DNAH8: variants seen among roughly 807,000 people sequenced by gnomAD.
The protein encoded by DNAH8 is dynein axonemal heavy chain 8, also known as axonemal beta dynein heavy chain 8.
DNAH8 carries 382 observed loss-of-function variants against 562.1 expected under a neutral mutation model. That is an observed-to-expected ratio of 0.68 (90% CI 0.63 to 0.74). The LOEUF is 0.74. Ranked by LOEUF, DNAH8 falls within the 30% of genes least tolerant of loss-of-function variation. The pLI, the probability that DNAH8 is intolerant of heterozygous loss-of-function variation, is 0.00. For synonymous variants in DNAH8, 1,881 were observed against 1,919.4 expected, an observed-to-expected ratio of 0.98 and a Z score of 0.52; for missense variants, 5,203 against 5,620.4, an observed-to-expected ratio of 0.93 and a Z score of 2.37.
intron 80 of DNAH8, among the ~76,000 whole-genome samples, chr6:38,947,896 C>T (rs755272987): frequency 3.1e-4 from 47 of 152,080 alleles, no homozygotes; most frequent in African/African-American, 3.9e-4. Flanking sequence ...TACAGATACA[C>T]GCTGCCACGC....
chr6:38,834,653 T>A lies in DNAH8; in HGVS notation c.4365+12T>A, dbSNP rs1327141875. 6.4e-7 allele frequency: 1 copy of A among 1,555,716 alleles called. No homozygotes were observed. Among genetic ancestry groups the A allele is most frequent in the African/African-American group, 1.4e-5 (1 of 73,252 alleles). On this transcript the variant is annotated intron_variant, in intron 32 of 92. Transcript: ENST00000327475. ...TACAGATATTTCAGGTGAAACCACA[T>A]TTTTTTTGTTACATCGACAATGTGT...
chr6:38,963,013 T>C (rs1461335689), intron 82 of DNAH8, among the ~76,000 whole-genome samples: 1 of 152,096 alleles, frequency 6.6e-6, no homozygotes, highest in Non-Finnish European at 1.5e-5. Flanking sequence ...ATACTACTTA[T>C]TGGGTAGAGG....
chr6:38,738,053 AG>A (rs1764243086), intron 7 of DNAH8, 81 bp downstream of exon 7: 1 of 1,422,498 alleles, frequency 7.0e-7, no homozygotes. Context: ...CTAACAGCAA[AG>A]GGAAGAGGTG....
In DNAH8 at chr6:38,805,535, A is replaced by T. The variant is rs1192343334; in HGVS notation, c.3089A>T (p.Asp1030Val). Residue 1030 changes from aspartate to valine, a missense_variant, in exon 23 of 93, where the codon GAC (aspartate) becomes GTC (valine). By Grantham distance (152) the Asp-to-Val change is radical. This residue lies in a region of DNAH8 where 2,176 missense variants were observed against 2,365.1 expected (regional missense o/e 0.92). Coordinates refer to ENST00000327475, the MANE Select transcript of DNAH8 (RefSeq NM_001206927.2). Reference sequence around the variant, plus strand: ...GAAACAGGAGAGGGTGAAAACAATGACTATGAAGCTAATATTGTGAATGAG... The same window carrying T: ...GAAACAGGAGAGGGTGAAAACAATGTCTATGAAGCTAATATTGTGAATGAG... ...GSETGEGENNDYEANIVNEFD... is the reference protein window; with the variant it reads ...GSETGEGENNVYEANIVNEFD... The T allele has an allele frequency of 6.2e-7, 1 of 1,610,494 alleles. No individual in the cohort carries two copies. Among genetic ancestry groups the T allele is most frequent in the African/African-American group, 1.3e-5 (1 of 74,890 alleles).
intron 54 of DNAH8, 101 bp downstream of exon 54, chr6:38,883,153 C>G: frequency 2.2e-6 from 3 of 1,343,008 alleles, no homozygotes; most frequent in Non-Finnish European, 3.0e-6. Context: ...ACACATTTTA[C>G]ATTTAAATCT....
chr6:38,882,989 G>T lies in DNAH8; in HGVS notation c.7938G>T (p.Leu2646Phe), dbSNP rs749654809. 5 of 1,603,464 alleles carry T rather than the reference G, an allele frequency of 3.1e-6. No individual in the cohort carries two copies. In the East Asian group the frequency reaches 1.1e-4, roughly 36 times the overall value. ...GTATTCCGGAATATTCATCAATTTT[G>T]GTTCCAAATGTTGACAATATTAGAA... Reference protein sequence around the residue: ...TDSIPEYSSILVPNVDNIRTN... With the variant: ...TDSIPEYSSIFVPNVDNIRTN... Residue 2646 changes from leucine to phenylalanine, a missense_variant, in exon 54 of 93, where the codon TTG (leucine) becomes TTT (phenylalanine). Transcript: ENST00000327475.
chr6:38,796,598 T>C (rs1443633864), intron 21 of DNAH8, among the ~76,000 whole-genome samples: 1 of 152,204 alleles, frequency 6.6e-6, no homozygotes, highest in Non-Finnish European at 1.5e-5. Flanking sequence ...TTATGTTATC[T>C]ATAGATTCCA....
At chr6:38,750,172 C>G (rs754928273) in intron 8 of DNAH8, among the ~76,000 whole-genome samples, 29 of 152,124 alleles carry the variant, frequency 1.9e-4, no homozygotes, top group Non-Finnish European at 3.5e-4. Context: ...TCTTGAAGAC[C>G]CAGAGTAATA....
chr6:38,857,623 T>C lies in DNAH8; in HGVS notation c.5839T>C (p.Leu1947=), dbSNP rs770200536. The change falls in exon 42 of 93, where the codon TTG becomes CTG. Residue 1947 remains leucine (L), a synonymous_variant. Coordinates refer to ENST00000327475, the MANE Select transcript of DNAH8 (RefSeq NM_001206927.2). ...KIMQVTNQKF[L]DILNTLISQT... is the part of the protein sequence containing the mutation. ...CATGCAAGTGACCAATCAGAAATTT[T>C]TGGATATTCTAAATACTCTCATTAG... 3 of 1,613,738 alleles carry C rather than the reference T, an allele frequency of 1.9e-6. No individual in the cohort carries two copies. The South Asian group carries it at 3.3e-5, about 18-fold the overall frequency.
chr6:38,832,541 A>C, intron 31 of DNAH8, 106 bp downstream of exon 31: 1 of 638,602 alleles, frequency 1.6e-6, no homozygotes, highest in Non-Finnish European at 2.7e-6. Flanking sequence ...GTATGTGGCT[A>C]TATTTGCGTA....
At chr6:38,905,677 T>C (rs1354849748) in intron 62 of DNAH8, among the ~76,000 whole-genome samples, 1 of 152,182 alleles carries the variant, frequency 6.6e-6, no homozygotes, top group Non-Finnish European at 1.5e-5. Flanking sequence ...TTCCCACTTA[T>C]GCTTTGTGGA....
At chr6:38,849,258 C>T (rs907491456) in intron 37 of DNAH8, among the ~76,000 whole-genome samples, 2 of 152,116 alleles carry the variant, frequency 1.3e-5, no homozygotes, top group Non-Finnish European at 2.9e-5. Context: ...TAATATTCCT[C>T]TGAGAATAAT....
At chr6:38,943,343 A>G (rs937960641) in intron 79 of DNAH8, among the ~76,000 whole-genome samples, 2 of 152,210 alleles carry the variant, frequency 1.3e-5, no homozygotes, top group East Asian at 3.8e-4. Flanking sequence ...CTTTGTTTTT[A>G]ATGTTTCTTT....
chr6:38,731,794 A>C (rs1763671482), intron 4 of DNAH8, among the ~76,000 whole-genome samples: 1 of 152,188 alleles, frequency 6.6e-6, no homozygotes, highest in African/African-American at 2.4e-5. Context: ...GGCTCACTGC[A>C]GCCTCCGCCT....
intron 36 of DNAH8, among the ~76,000 whole-genome samples, chr6:38,848,044 A>G (rs1396136995): frequency 3.3e-5 from 5 of 152,142 alleles, no homozygotes; most frequent in Admixed American, 3.3e-4. Context: ...GTAAGTGAAC[A>G]TCAGACTTCA....
At chr6:38,823,073 T>G in intron 27 of DNAH8, 39 bp downstream of exon 27, 1 of 1,511,602 alleles carries the variant, frequency 6.6e-7, no homozygotes, top group Non-Finnish European at 8.8e-7. Context: ...TGGGTTTTGT[T>G]TGTCTCTAAT....
Position 39,012,135 on chromosome 6 carries a change from G to T in DNAH8, c.13372-80G>T, listed in dbSNP as rs2150772695. The stretch of plus-strand genomic sequence containing the variant: ...AGAGATACATCTAGAGGAAGAAAAA[G>T]AATTGAGAAAGAAGAGGTTATTGGA... On this transcript the variant is annotated intron_variant, in intron 89 of 92. Transcript: ENST00000327475. The T allele has an allele frequency of 7.5e-6, 8 of 1,068,574 alleles. No individual in the cohort carries two copies. The South Asian group carries it at 9.8e-5, about 13-fold the overall frequency. 66.2% of individuals were successfully genotyped at this position (1,068,574 alleles called of 1,614,324 possible). A position where few individuals can be genotyped will look rare whatever the true frequency, so the allele number is the denominator to read the frequency against.
At chr6:39,012,985 G>T (rs1191969050) in intron 91 of DNAH8, among the ~76,000 whole-genome samples, 1 of 152,112 alleles carries the variant, frequency 6.6e-6, no homozygotes, top group African/African-American at 2.4e-5. Flanking sequence ...CAAAAATGAA[G>T]CACCAAAAGA....
In DNAH8 at chr6:38,971,472, AT is replaced by A. The variant is rs3047889; in HGVS notation, c.12452-105del. On this transcript the variant is annotated intron_variant, in intron 82 of 92. Coordinates refer to ENST00000327475, the MANE Select transcript of DNAH8 (RefSeq NM_001206927.2). ...GGCCAGGCCTGTTTGAACAGCAAAGATTTTTTTTTTTTTTTAGAAACAATAG... is the reference window on the plus strand; with the variant it reads ...GGCCAGGCCTGTTTGAACAGCAAAGATTTTTTTTTTTTTTAGAAACAATAG... 55,135 of 463,288 alleles carry A rather than the reference AT, an allele frequency of 0.12. 291 individuals are homozygous for A. The highest frequency in any genetic ancestry group is 0.18 in the East Asian group (4,614 of 25,712). The allele number at this position is 463,288 out of a possible 1,614,324, so 28.7% of individuals were successfully genotyped here. A position where few individuals can be genotyped will look rare whatever the true frequency, so the allele number is the denominator to read the frequency against.
Sources: allele counts gnomAD v4.1 joint callset (sites outside exome capture counted in the v4.1 genomes callset), GRCh38; gene constraint gnomAD v4.1.1; regional missense constraint gnomAD v4.1.1; transcripts MANE v1.5; gene names NCBI Gene and HGNC (gene_info 2026-07-23, HGNC 2026-07-21).